ABCC9: variants seen among roughly 807,000 people sequenced by gnomAD.
ABCC9 encodes the protein ATP binding cassette subfamily C member 9.
ABCC9 carries 95 observed loss-of-function variants against 188.3 expected under a neutral mutation model. The observed-to-expected ratio is 0.50, with a 90% CI of 0.43 to 0.60. ABCC9 has a LOEUF of 0.60. Among genes scored for constraint, ABCC9 ranks in the 20% least tolerant of loss-of-function variants. The pLI is 0.00. For synonymous variants in ABCC9, 659 were observed against 652.7 expected (o/e 1.01, Z -0.15); for missense variants, 1,102 against 1,876.3 (o/e 0.59, Z 7.62).
intron 4 of ABCC9, among the ~76,000 whole-genome samples, chr12:21,931,412 A>G (rs1315830017): frequency 6.6e-6 from 1 of 152,022 alleles, no homozygotes; most frequent in African/African-American, 2.4e-5. Flanking sequence ...AAAAAAAAGA[A>G]GTAACTAGAA....
intron 28 of ABCC9, 150 bp from the exon 29 acceptor site, chr12:21,842,621 C>G (rs1643235): frequency 4.0e-6 from 3 of 747,574 alleles, no homozygotes; most frequent in East Asian, 2.7e-5. Context: ...TCTTCACTCA[C>G]TTCCCATAGT....
intron 11 of ABCC9, 87 bp from the exon 12 acceptor site, chr12:21,906,375 A>T (rs1444932836): frequency 4.3e-6 from 6 of 1,409,084 alleles, no homozygotes; most frequent in Non-Finnish European, 5.8e-6. Flanking sequence ...GATTGAGGAG[A>T]CCTTGATTTC....
intron 34 of ABCC9, 45 bp downstream of exon 34, chr12:21,815,718 C>A: frequency 2.5e-6 from 4 of 1,606,506 alleles, no homozygotes; most frequent in Non-Finnish European, 3.4e-6. Flanking sequence ...CAGACTCCCT[C>A]AGAGGTTTTA....
intron 5 of ABCC9, chr12:21,925,621 T>C: frequency 1.5e-6 from 1 of 664,668 alleles, no homozygotes; most frequent in Non-Finnish European, 2.7e-6. Flanking sequence ...AGAGCTCTGA[T>C]TCTTAAAATA....
chr12:21,915,410 A>ATACAT (rs1302424893), intron 7 of ABCC9, among the ~76,000 whole-genome samples: 1 of 120,478 alleles, frequency 8.3e-6, no homozygotes, highest in Non-Finnish European at 1.8e-5. Flanking sequence ...ATGTGTATAT[A>ATACAT]GACACGTGTA....
intron 4 of ABCC9, among the ~76,000 whole-genome samples, chr12:21,932,425 A>G (rs971022129): frequency 3.9e-5 from 6 of 152,242 alleles, no homozygotes; most frequent in Admixed American, 2.0e-4. Context: ...AATTGCATCT[A>G]ATTAAACTAA....
chr12:21,880,192 T>G (rs1244320528), intron 16 of ABCC9, among the ~76,000 whole-genome samples: 1 of 152,064 alleles, frequency 6.6e-6, no homozygotes, highest in Non-Finnish European at 1.5e-5. Flanking sequence ...TATTCATCCC[T>G]GATTTACCTA....
At chr12:21,895,345 C>A (rs774633456) in intron 12 of ABCC9, 30 bp from the exon 13 acceptor site, 51 of 1,592,948 alleles carry the variant, frequency 3.2e-5, no homozygotes, top group Non-Finnish European at 4.2e-5. Context: ...GCATTAGTTT[C>A]ATTGAACTGT....
chr12:21,853,938 A>G (rs1404514756), intron 22 of ABCC9, among the ~76,000 whole-genome samples: 1 of 152,166 alleles, frequency 6.6e-6, no homozygotes, highest in Non-Finnish European at 1.5e-5. Flanking sequence ...AAAGTTTATA[A>G]AGGTCTTCTT....
intron 18 of ABCC9, 139 bp from the exon 19 acceptor site, chr12:21,864,616 C>G (rs1022860924): frequency 3.0e-6 from 2 of 667,600 alleles, no homozygotes; most frequent in East Asian, 5.3e-5. Context: ...ATATTAATTT[C>G]AAAGACAAAC....
intron 31 of ABCC9, among the ~76,000 whole-genome samples, chr12:21,824,050 G>A (rs1363521829): frequency 6.6e-6 from 1 of 152,180 alleles, no homozygotes; most frequent in African/African-American, 2.4e-5. Context: ...AACTATCTGT[G>A]TAGACAAAGA....
rs947425033 is a variant in ABCC9 at position 21,923,944 on chromosome 12, A to G, written c.406+1998T>C. 4.6e-6 allele frequency: 3 copies of G among 652,868 alleles called. No individual in the cohort carries two copies. In the South Asian group the frequency reaches 5.3e-5, roughly 11 times the overall value. 40.4% of individuals were successfully genotyped at this position (652,868 alleles called of 1,614,324 possible). On this transcript the variant is annotated intron_variant, in intron 5 of 39. Coordinates refer to ENST00000261200, the MANE Select transcript of ABCC9 (RefSeq NM_020297.4). Reference sequence around the variant, plus strand: ...GAAATGCAACAATAAGAAAATATTGATCTATGCTACATTACGGATGAGCAT... The same window carrying G: ...GAAATGCAACAATAAGAAAATATTGGTCTATGCTACATTACGGATGAGCAT...
At chr12:21,836,394 C>T (rs1437543605) in intron 30 of ABCC9, among the ~76,000 whole-genome samples, 2 of 152,172 alleles carry the variant, frequency 1.3e-5, no homozygotes, top group Non-Finnish European at 2.9e-5. Flanking sequence ...AATGTATGTT[C>T]CAACAGTACT....
intron 12 of ABCC9, among the ~76,000 whole-genome samples, chr12:21,905,893 GGAATCAA>G (rs1948017991): frequency 6.6e-6 from 1 of 152,094 alleles, no homozygotes; most frequent in Non-Finnish European, 1.5e-5. Context: ...CTAGTTGTGA[GGAATCAA>G]ATTCAGGTCT....
At chr12:21,872,443 A>T (rs1946127900) in intron 18 of ABCC9, among the ~76,000 whole-genome samples, 182 bp downstream of exon 18, 1 of 152,178 alleles carries the variant, frequency 6.6e-6, no homozygotes, top group Non-Finnish European at 1.5e-5. Flanking sequence ...CTTTGTAATA[A>T]ATTGTTTTGT....
chr12:21,800,402 G>A lies in ABCC9; in HGVS notation c.*642C>T, dbSNP rs1299379469. On this transcript the variant is annotated 3_prime_UTR_variant, in exon 40 of 40. Coordinates refer to ENST00000261200, the MANE Select transcript of ABCC9 (RefSeq NM_020297.4). ...ACAGGACAGGAAAAAATGAAAATTC[G>A]AGTATAGTTTTAAAAATATCCAAAC... 2 of 152,136 alleles carry A rather than the reference G, an allele frequency of 1.3e-5. No individual in the cohort carries two copies. Among genetic ancestry groups the A allele is most frequent in the Non-Finnish European group, 2.9e-5 (2 of 68,056 alleles). The allele number at this position is 152,136 out of a possible 1,614,324, so 9.4% of individuals were successfully genotyped here.
intron 22 of ABCC9, among the ~76,000 whole-genome samples, chr12:21,857,481 GAAT>G (rs1330873227): frequency 3.3e-5 from 5 of 152,104 alleles, no homozygotes; most frequent in Admixed American, 1.3e-4. Flanking sequence ...GTGGTAGAAA[GAAT>G]AATGGCCCCT....
In ABCC9 at chr12:21,814,807, A is replaced by C. The variant is rs187876443; in HGVS notation, c.4024-85T>G. Reference sequence around the variant, plus strand: ...TAAGTTTTGTTTTTTAACTTAAGATATTATGATAAAACTGTAATTATGTTT... The same window carrying C: ...TAAGTTTTGTTTTTTAACTTAAGATCTTATGATAAAACTGTAATTATGTTT... On this transcript the variant is annotated intron_variant, in intron 34 of 39. Coordinates refer to ENST00000261200, the MANE Select transcript of ABCC9 (RefSeq NM_020297.4). 5 of 1,043,878 alleles carry C rather than the reference A, an allele frequency of 4.8e-6. No individual in the cohort carries two copies. In the African/African-American group the frequency reaches 8.0e-5, roughly 17 times the overall value. The allele number at this position is 1,043,878 out of a possible 1,614,324, so 64.7% of individuals were successfully genotyped here.
intron 31 of ABCC9, chr12:21,827,266 T>A: frequency 3.0e-6 from 3 of 985,344 alleles, no homozygotes; most frequent in Non-Finnish European, 3.6e-6. Context: ...ATGGTTTGCT[T>A]GAAGATTCTT....
Sources: gnomAD v4.1 joint callset for allele counts (sites outside exome capture counted in the v4.1 genomes callset) on GRCh38, gnomAD v4.1.1 for gene constraint, MANE v1.5 for transcripts, NCBI Gene and HGNC (gene_info 2026-07-23, HGNC 2026-07-21) for gene names.